The following TRMT2B variants were observed in gnomAD, a reference collection of about 807,000 sequenced individuals.
TRMT2B encodes tRNA methyltransferase 2B.
In TRMT2B, 34 loss-of-function variants were observed where a neutral mutation model predicts 39.7. The observed-to-expected ratio is 0.86, with a 90% CI of 0.65 to 1.14. The LOEUF is 1.14. Ranked by LOEUF, TRMT2B falls within the 50% of genes most tolerant of loss-of-function variation. TRMT2B has a pLI of 0.00. For missense variants in TRMT2B, 318 were observed against 377.2 expected, an observed-to-expected ratio of 0.84 and a Z score of 1.30; for synonymous variants, 132 against 137.3, an observed-to-expected ratio of 0.96 and a Z score of 0.27.
intron 4 of TRMT2B, among the ~76,000 whole-genome samples, chrX:101,038,541 G>A (rs2088003401): frequency 9.0e-6 from 1 of 110,630 alleles, no homozygotes; most frequent in South Asian, 3.9e-4. Flanking sequence ...AGGTAATGAG[G>A]AAAGGTCAAG....
chrX:100,973,433 G>C, the TRMT2B span, among the ~76,000 whole-genome samples: 1 of 106,412 alleles, frequency 9.4e-6, no homozygotes, highest in Non-Finnish European at 1.9e-5. Context: ...GGCGGCGCTC[G>C]CCGGCGCGGC....
chrX:101,033,746 T>C (rs1369061570), intron 7 of TRMT2B, among the ~76,000 whole-genome samples: 1 of 111,623 alleles, frequency 9.0e-6, no homozygotes, highest in Non-Finnish European at 1.9e-5. Context: ...TCAAGTATAT[T>C]ATTCTGTGAA....
At chrX:101,034,210 C>T (rs953852589) in intron 7 of TRMT2B, among the ~76,000 whole-genome samples, 1 of 100,327 alleles carries the variant, frequency 1.0e-5, no homozygotes, top group African/African-American at 3.7e-5. Context: ...GGTGCGATCT[C>T]AGTTCACTGC....
chrX:101,010,399 G>A lies in TRMT2B; in HGVS notation c.*182C>T. The A allele has an allele frequency of 2.0e-6, 1 of 497,177 alleles. No individual in the cohort carries two copies. Among genetic ancestry groups the A allele is most frequent in the Non-Finnish European group, 3.4e-6 (1 of 294,628 alleles). The allele number at this position is 497,177 out of a possible 1,213,427, so 41.0% of individuals were successfully genotyped here. A position where few individuals can be genotyped will look rare whatever the true frequency, so the allele number is the denominator to read the frequency against. On this transcript the variant is annotated 3_prime_UTR_variant, in exon 14 of 14. Coordinates refer to ENST00000372936, the MANE Select transcript of TRMT2B (RefSeq NM_024917.6). ...GACACTCCAGCCTGGGCAAGAGTGA[G>A]ACTCTATCTCAAAAAAAAAATCTGC...
At chrX:101,019,473 C>A in intron 11 of TRMT2B, 70 bp from the exon 12 acceptor site, 1 of 1,154,056 alleles carries the variant, frequency 8.7e-7, no homozygotes, top group South Asian at 1.9e-5. Context: ...TTCACAGAAA[C>A]GCACAGGAGC....
At chrX:100,999,362 C>T in the TRMT2B span, among the ~76,000 whole-genome samples, 1 of 112,718 alleles carries the variant, frequency 8.9e-6, no homozygotes, top group Non-Finnish European at 1.9e-5. Context: ...ACTAAGGGAG[C>T]TTCATGACTG....
chrX:101,012,823 AT>A (rs538177422), intron 13 of TRMT2B, among the ~76,000 whole-genome samples: 45 of 103,417 alleles, frequency 4.4e-4, no homozygotes, highest in Non-Finnish European at 3.6e-4. Flanking sequence ...GAAATTTATT[AT>A]TTTTTTTTTT....
chrX:101,009,291 A>G (rs2086160050), downstream of TRMT2B: 1 of 111,391 alleles, frequency 9.0e-6, no homozygotes, highest in Non-Finnish European at 1.9e-5. Context: ...TTGTTGGGCA[A>G]GTACCCAAGA....
chrX:101,015,826 A>G (rs751748170), intron 13 of TRMT2B, among the ~76,000 whole-genome samples: 5 of 111,000 alleles, frequency 4.5e-5, no homozygotes, highest in African/African-American at 1.6e-4. Context: ...TCCCAACACT[A>G]TGGGAGGCCA....
chrX:101,034,145 AT>A (rs59939763), intron 7 of TRMT2B, among the ~76,000 whole-genome samples: 7 of 89,783 alleles, frequency 7.8e-5, no homozygotes, highest in Non-Finnish European at 6.4e-5. Flanking sequence ...CCTGGCCTAC[AT>A]TTTTTTTTTT....
chrX:101,047,634 C>G (rs933838868), intron 2 of TRMT2B, among the ~76,000 whole-genome samples: 6 of 109,323 alleles, frequency 5.5e-5, no homozygotes, highest in Non-Finnish European at 1.1e-4. Context: ...GAGTTCGAGA[C>G]CAGCCTAGCC....
intron 7 of TRMT2B, among the ~76,000 whole-genome samples, chrX:101,027,523 T>G (rs865960370): frequency 9.1e-6 from 1 of 110,074 alleles, no homozygotes. Flanking sequence ...ATTACAGGCG[T>G]GAGCCACGGA....
downstream of TRMT2B, among the ~76,000 whole-genome samples, chrX:101,006,078 G>A (rs1483302520): frequency 9.2e-6 from 1 of 108,529 alleles, no homozygotes; most frequent in African/African-American, 3.3e-5. Flanking sequence ...AAAATCAGCC[G>A]GGTGTGGTAG....
intron 7 of TRMT2B, among the ~76,000 whole-genome samples, chrX:101,024,023 T>A (rs186662610): frequency 1.8e-4 from 20 of 110,717 alleles, no homozygotes; most frequent in Admixed American, 6.8e-4. Flanking sequence ...AATTTTTGTA[T>A]TTTTAGTAGA....
At position 101,027,582 on chromosome X, in the gene TRMT2B, G is replaced by C. The variant is rs1275155291; in HGVS notation, c.610-3966C>G. Among the ~76,000 whole-genome samples, 6 of 108,697 alleles carry C rather than the reference G, an allele frequency of 5.5e-5. No individual in the cohort carries two copies. In the Admixed American group the frequency reaches 6.1e-4, roughly 11 times the overall value. The allele number at this position is 108,697 out of a possible 115,157, so 94.4% of individuals were successfully genotyped here. A position where few individuals can be genotyped will look rare whatever the true frequency, so the allele number is the denominator to read the frequency against. On this transcript the variant is annotated intron_variant, in intron 7 of 13. Transcript: ENST00000372936. ...GACCGTTCCTTCAGTCTCCTTTACTGGTTCTTCCTCTTCTTCCAAACCTCT... is the reference window on the plus strand; with the variant it reads ...GACCGTTCCTTCAGTCTCCTTTACTCGTTCTTCCTCTTCTTCCAAACCTCT...
At position 101,019,338 on chromosome X, in the gene TRMT2B, T is replaced by C; in HGVS notation, c.1234A>G (p.Lys412Glu). The C allele has an allele frequency of 1.7e-6, 2 of 1,211,695 alleles. No individual in the cohort carries two copies. Among genetic ancestry groups the C allele is most frequent in the African/African-American group, 3.5e-5 (2 of 57,808 alleles). Residue 412 changes from lysine to glutamate, a missense_variant, in exon 12 of 14, where the codon AAG becomes GAG. Lys to Glu is a moderately conservative substitution (Grantham distance 56). Transcript: ENST00000372936. ...GCAACAATTGACTGTCCATCTTCCT[T>C]TGACTTTAGCAGCCCTGGCAAAATC... Reference protein sequence around the residue: ...EKILPGLLKSKEDGQSIVAVV... With the variant: ...EKILPGLLKSEEDGQSIVAVV...
chrX:101,010,429 G>T lies in TRMT2B; in HGVS notation c.*152C>A. Reference sequence around the variant, plus strand: ...TATCTCAAAAAAAAAATCTGCCTCAGACCAGAGGCCTAATAGATTCTTCCT... The same window carrying T: ...TATCTCAAAAAAAAAATCTGCCTCATACCAGAGGCCTAATAGATTCTTCCT... On this transcript the variant is annotated 3_prime_UTR_variant, in exon 14 of 14. Transcript: ENST00000372936. The T allele has an allele frequency of 3.0e-6, 2 of 671,102 alleles. No individual in the cohort carries two copies. The highest frequency in any genetic ancestry group is 4.5e-6 in the Non-Finnish European group (2 of 442,854). 55.3% of individuals were successfully genotyped at this position (671,102 alleles called of 1,213,427 possible).
Position 101,036,974 on chromosome X carries a change from C to T in TRMT2B, c.538G>A (p.Asp180Asn). ...TVGFYLGTWR[D>N]GNVVCVQSNH... ...TTGGTTTATACAACCTTCAACTGAC[C>T]TCTCCAAGTTCCCAGGTAGAACCCC... Residue 180 changes from aspartate to asparagine, a missense_variant and splice_region_variant, in exon 6 of 14, where the codon GAT becomes AAT. Physicochemically the swap from Asp to Asn is conservative, Grantham distance 23. Coordinates refer to ENST00000372936, the MANE Select transcript of TRMT2B (RefSeq NM_024917.6). 3.3e-6 allele frequency: 4 copies of T among 1,202,996 alleles called. No homozygotes were observed. The highest frequency in any genetic ancestry group is 4.5e-6 in the Non-Finnish European group (4 of 887,540).
the TRMT2B span, among the ~76,000 whole-genome samples, chrX:100,976,898 G>T: frequency 8.9e-6 from 1 of 112,673 alleles, no homozygotes; most frequent in Non-Finnish European, 1.9e-5. Context: ...GCACCCAGCT[G>T]CTGCGAATGT....
Sources: allele counts gnomAD v4.1 joint callset (sites outside exome capture counted in the v4.1 genomes callset), GRCh38; gene constraint gnomAD v4.1.1; transcripts MANE v1.5; gene names NCBI Gene and HGNC (gene_info 2026-07-23, HGNC 2026-07-21).